PRMT8: variants seen among roughly 807,000 people sequenced by gnomAD.
PRMT8 encodes protein arginine methyltransferase 8.
PRMT8 carries 7 observed loss-of-function variants against 47.1 expected under a neutral mutation model. That is an observed-to-expected ratio of 0.15 (90% CI 0.08 to 0.28). The LOEUF is 0.28. Ranked by LOEUF, PRMT8 falls within the 10% of genes least tolerant of loss-of-function variation. PRMT8 has a pLI of 1.00. For synonymous variants in PRMT8, 188 were observed against 186.5 expected (o/e 1.01, Z -0.07); for missense variants, 237 against 505.4 (o/e 0.47, Z 5.09).
chr12:3,448,684 C>T (rs1864884308), intron 1 of PRMT8, among the ~76,000 whole-genome samples: 2 of 152,160 alleles, frequency 1.3e-5, no homozygotes, highest in African/African-American at 4.8e-5. Context: ...AAAACATCAC[C>T]CTAAATGAAA....
At position 3,540,612 on chromosome 12, in the gene PRMT8, A is replaced by AGGCCCCCCCG; in HGVS notation, c.83_84insGCCCCCCCGG (p.Ser28ArgfsTer17). The stretch of plus-strand genomic sequence containing the variant: ...CCCCTTCTCTTCCCCTCAGGTGAAC[A>AGGCCCCCCCG]GCCCCCCCTCCCAGCCCCCCCAGCC... On this transcript the variant is annotated frameshift_variant, in exon 2 of 10. Transcript: ENST00000382622. LOFTEE classifies it high-confidence loss of function. The AGGCCCCCCCG allele has an allele frequency of 8.8e-7, 1 of 1,131,134 alleles. No homozygotes were observed. The highest frequency in any genetic ancestry group is 1.3e-6 in the Non-Finnish European group (1 of 749,220). 70.1% of individuals were successfully genotyped at this position (1,131,134 alleles called of 1,614,324 possible). A position where few individuals can be genotyped will look rare whatever the true frequency, so the allele number is the denominator to read the frequency against.
intron 1 of PRMT8, among the ~76,000 whole-genome samples, chr12:3,417,384 G>T (rs944063250): frequency 6.6e-6 from 1 of 152,208 alleles, no homozygotes; most frequent in Non-Finnish European, 1.5e-5. Context: ...TGTGGAAAAG[G>T]GAGCCATGCA....
At chr12:3,435,129 C>T (rs1466773457) in intron 1 of PRMT8, among the ~76,000 whole-genome samples, 12 of 151,950 alleles carry the variant, frequency 7.9e-5, no homozygotes, top group Non-Finnish European at 1.0e-4. Context: ...CCACCACACC[C>T]GGCTAATTTT....
chr12:3,389,529 T>G (rs1015483811), intron 1 of PRMT8, among the ~76,000 whole-genome samples: 2 of 152,200 alleles, frequency 1.3e-5, no homozygotes, highest in African/African-American at 2.4e-5. Flanking sequence ...TCCTACCATA[T>G]GCCAGATCCT....
At chr12:3,549,540 A>G (rs1866380944) in intron 2 of PRMT8, among the ~76,000 whole-genome samples, 1 of 151,530 alleles carries the variant, frequency 6.6e-6, no homozygotes, top group Non-Finnish European at 1.5e-5. Flanking sequence ...CAAAATATAC[A>G]CTCACAAAAA....
intron 6 of PRMT8, among the ~76,000 whole-genome samples, chr12:3,574,498 G>GA (rs1866904574): frequency 6.6e-6 from 1 of 152,216 alleles, no homozygotes; most frequent in Non-Finnish European, 1.5e-5. Flanking sequence ...AGTAAGCCCA[G>GA]AAAAAAGGAT....
intron 1 of PRMT8, among the ~76,000 whole-genome samples, 183 bp downstream of exon 1, chr12:3,491,883 TGTGTGTTGG>T (rs1865414147): frequency 2.7e-5 from 2 of 73,814 alleles, no homozygotes; most frequent in Non-Finnish European, 2.6e-5. Flanking sequence ...TGTGTGTGTG[TGTGTGTTGG>T]TGGGGGGTGG....
chr12:3,390,425 A>T (rs1565396428), intron 1 of PRMT8, among the ~76,000 whole-genome samples: 1 of 152,220 alleles, frequency 6.6e-6, no homozygotes, highest in Admixed American at 6.5e-5. Flanking sequence ...TTCATACAGC[A>T]TGGCTTTGGG....
intron 1 of PRMT8, among the ~76,000 whole-genome samples, chr12:3,422,806 T>A (rs1864557952): frequency 6.6e-6 from 1 of 152,190 alleles, no homozygotes; most frequent in Non-Finnish European, 1.5e-5. Flanking sequence ...AGGCAGAAAT[T>A]TGGCATAAGA....
intron 1 of PRMT8, among the ~76,000 whole-genome samples, chr12:3,458,158 C>A (rs1864996882): frequency 1.3e-5 from 2 of 152,206 alleles, no homozygotes; most frequent in Admixed American, 6.5e-5. Context: ...TTGTTCCCCG[C>A]TATTCAGCAG....
Position 3,569,676 on chromosome 12 carries a change from A to ATAAGCTCCTCTTCAGGGAC in PRMT8, c.712+112_712+113insTAAGCTCCTCTTCAGGGAC. 1 of 858,664 alleles carries ATAAGCTCCTCTTCAGGGAC rather than the reference A, an allele frequency of 1.2e-6. No individual in the cohort carries two copies. Among genetic ancestry groups the ATAAGCTCCTCTTCAGGGAC allele is most frequent in the Non-Finnish European group, 2.0e-6 (1 of 503,114 alleles). The allele number at this position is 858,664 out of a possible 1,614,324, so 53.2% of individuals were successfully genotyped here. On this transcript the variant is annotated intron_variant, in intron 6 of 9. Transcript: ENST00000382622. This position sits in a 1 kb window ranked among gnomAD's most constrained non-coding sequence, Gnocchi z 8.2. ...GACATGAACACCATTGCTGTCCCTG[A>ATAAGCTCCTCTTCAGGGAC]AGAGGAGCTTATCTGGGACCCTTTC...
At chr12:3,489,839 G>GCA (rs35501021), upstream of PRMT8, among the ~76,000 whole-genome samples, 1,564 of 144,756 alleles carry the variant, frequency 0.011, 19 homozygotes, top group South Asian at 0.043. Context: ...ACACACGCGC[G>GCA]CACACACACA....
In PRMT8 at chr12:3,491,421, G is replaced by T. The variant is rs865943215; in HGVS notation, c.-205G>T. 1.5e-6 allele frequency: 2 copies of T among 1,351,382 alleles called. No individual in the cohort carries two copies. The highest frequency in any genetic ancestry group is 2.0e-5 in the South Asian group (1 of 49,096). 83.7% of individuals were successfully genotyped at this position (1,351,382 alleles called of 1,614,324 possible). A position where few individuals can be genotyped will look rare whatever the true frequency, so the allele number is the denominator to read the frequency against. ...ACTTGAAACCGTGTGAAGGAATCCG[G>T]AGCAGATGAGAAGGGAGGAAAATAA... On this transcript the variant is annotated 5_prime_UTR_variant, in exon 1 of 10. Transcript: ENST00000382622.
At chr12:3,556,909 A>G (rs951500060) in intron 4 of PRMT8, among the ~76,000 whole-genome samples, 3 of 152,080 alleles carry the variant, frequency 2.0e-5, no homozygotes, top group African/African-American at 7.2e-5. Context: ...TGCCTTGCAC[A>G]GGTGGAGAGG....
At chr12:3,560,418 G>A (rs1220145302) in intron 4 of PRMT8, among the ~76,000 whole-genome samples, 1 of 152,164 alleles carries the variant, frequency 6.6e-6, no homozygotes, top group African/African-American at 2.4e-5. Context: ...CGGCAGGCAC[G>A]CAGCCTTCAC....
At chr12:3,468,441 T>A (rs555422521) in intron 1 of PRMT8, among the ~76,000 whole-genome samples, 1 of 152,298 alleles carries the variant, frequency 6.6e-6, no homozygotes, top group South Asian at 2.1e-4. Flanking sequence ...AGAGTGCCCA[T>A]CTCTGATATG....
chr12:3,491,834 G>C (rs1184260700), intron 1 of PRMT8, 134 bp downstream of exon 1: 9 of 34,452 alleles, frequency 2.6e-4, no homozygotes, highest in South Asian at 2.0e-3. Flanking sequence ...GCCTCCTCCT[G>C]TGTGTGTGTG....
At chr12:3,582,952 C>T in intron 7 of PRMT8, 106 bp from the exon 8 acceptor site, 2 of 1,349,456 alleles carry the variant, frequency 1.5e-6, no homozygotes, top group African/African-American at 1.5e-5. Context: ...AGATATCCCT[C>T]AGAGAGCTGA....
At chr12:3,452,359 G>A (rs1318699024) in intron 1 of PRMT8, among the ~76,000 whole-genome samples, 2 of 151,822 alleles carry the variant, frequency 1.3e-5, no homozygotes, top group African/African-American at 2.4e-5. Flanking sequence ...ACCCCACAAG[G>A]AGACCACTTA....
Sources: gnomAD v4.1 joint callset for allele counts (sites outside exome capture counted in the v4.1 genomes callset) on GRCh38, gnomAD v4.1.1 for gene constraint, Gnocchi (gnomAD v3.1) non-coding constraint, MANE v1.5 for transcripts, NCBI Gene and HGNC (gene_info 2026-07-23, HGNC 2026-07-21) for gene names.